Variants in BACH2 observed in about 807,000 individuals in gnomAD.
BACH2 encodes transcription regulator protein BACH2.
In BACH2, 5 loss-of-function variants were observed where a neutral mutation model predicts 61.8. The observed-to-expected ratio is 0.08, with a 90% CI of 0.04 to 0.17. BACH2 has a LOEUF of 0.17. Ranked by LOEUF, BACH2 falls within the 10% of genes least tolerant of loss-of-function variation. BACH2 has a pLI of 1.00. For synonymous variants in BACH2, 446 were observed against 440.1 expected (o/e 1.01, Z -0.17); for missense variants, 824 against 1,091.1 (o/e 0.76, Z 3.45).
intron 8 of BACH2, among the ~76,000 whole-genome samples, chr6:89,933,531 T>C (rs908111903): frequency 6.6e-6 from 1 of 151,686 alleles, no homozygotes. Flanking sequence ...ACTATGGACT[T>C]GGGTGATAAT....
chr6:90,213,915 A>G (rs1023431611), intron 3 of BACH2, among the ~76,000 whole-genome samples: 11 of 152,220 alleles, frequency 7.2e-5, no homozygotes, highest in African/African-American at 2.4e-4. Context: ...TCGCTTGGTC[A>G]GAATATTTTG....
intron 4 of BACH2, among the ~76,000 whole-genome samples, chr6:90,102,292 T>A (rs908920604): frequency 2.0e-5 from 3 of 152,142 alleles, no homozygotes; most frequent in African/African-American, 7.2e-5. Context: ...CCAGGATACA[T>A]GGTGAGACAC....
intron 5 of BACH2, among the ~76,000 whole-genome samples, chr6:90,033,568 T>C (rs1248088384): frequency 6.6e-6 from 1 of 152,158 alleles, no homozygotes; most frequent in Non-Finnish European, 1.5e-5. Context: ...GGTGCATTTA[T>C]ATAGGAACAG....
chr6:90,121,258 T>C (rs1271094274), intron 4 of BACH2, among the ~76,000 whole-genome samples: 1 of 152,222 alleles, frequency 6.6e-6, no homozygotes. Flanking sequence ...TTAGGCTATG[T>C]AGTATCTTTT....
At chr6:89,957,975 A>C (rs1350882624) in intron 6 of BACH2, among the ~76,000 whole-genome samples, 2 of 152,214 alleles carry the variant, frequency 1.3e-5, no homozygotes, top group African/African-American at 2.4e-5. Context: ...AAAGAAAATC[A>C]TTATTTGTCT....
At chr6:90,056,168 C>A (rs1324762485) in intron 5 of BACH2, among the ~76,000 whole-genome samples, 3 of 152,166 alleles carry the variant, frequency 2.0e-5, no homozygotes, top group East Asian at 3.8e-4. Context: ...TTAAAAGACA[C>A]AGACTGGCAA....
intron 4 of BACH2, among the ~76,000 whole-genome samples, chr6:90,135,505 A>G (rs528793143): frequency 1.3e-5 from 2 of 152,236 alleles, no homozygotes; most frequent in East Asian, 3.9e-4. Flanking sequence ...AGGTGGATGG[A>G]TCGCTTGAGA....
At chr6:90,179,582 C>G (rs1768091295) in intron 4 of BACH2, among the ~76,000 whole-genome samples, 1 of 152,090 alleles carries the variant, frequency 6.6e-6, no homozygotes, top group South Asian at 2.1e-4. Flanking sequence ...AACTGAGTAA[C>G]TATAAGAAAC....
chr6:89,984,163 C>T (rs1041334538), intron 6 of BACH2, among the ~76,000 whole-genome samples: 5 of 152,068 alleles, frequency 3.3e-5, no homozygotes, highest in Admixed American at 6.6e-5. Flanking sequence ...TAACAGAAAG[C>T]GGGGTTATTA....
intron 4 of BACH2, among the ~76,000 whole-genome samples, chr6:90,094,372 G>A (rs908130239): frequency 6.6e-6 from 1 of 152,134 alleles, no homozygotes; most frequent in Non-Finnish European, 1.5e-5. Context: ...GGAAACTACA[G>A]GTGAAAATAT....
At chr6:90,182,603 C>T (rs1394249845) in intron 4 of BACH2, among the ~76,000 whole-genome samples, 1 of 152,182 alleles carries the variant, frequency 6.6e-6, no homozygotes, top group Admixed American at 6.5e-5. Context: ...GTGCTTGGCA[C>T]ATTATAGCCT....
At chr6:90,080,747 G>T in intron 5 of BACH2, 1 of 985,030 alleles carries the variant, frequency 1.0e-6, no homozygotes, top group African/African-American at 1.7e-5. Context: ...CCTGAGAAAG[G>T]CATCTTTACC....
chr6:90,175,131 C>T (rs996455791), intron 4 of BACH2, among the ~76,000 whole-genome samples: 1 of 151,946 alleles, frequency 6.6e-6, no homozygotes, highest in African/African-American at 2.4e-5. Flanking sequence ...TGATATACTT[C>T]ATAATCTAAA....
intron 3 of BACH2, among the ~76,000 whole-genome samples, chr6:90,221,449 A>G (rs1420504352): frequency 6.6e-6 from 1 of 152,210 alleles, no homozygotes. Context: ...AGCAGTGTGT[A>G]TAGCAGGATG....
At chr6:90,151,859 G>T (rs1784823881) in intron 4 of BACH2, among the ~76,000 whole-genome samples, 1 of 152,168 alleles carries the variant, frequency 6.6e-6, no homozygotes, top group Non-Finnish European at 1.5e-5. Context: ...TTCAGACAGA[G>T]AATTCAACTA....
chr6:90,012,840 G>C (rs916686831), intron 5 of BACH2, among the ~76,000 whole-genome samples: 1 of 151,872 alleles, frequency 6.6e-6, no homozygotes, highest in Non-Finnish European at 1.5e-5. Context: ...GTCAATTTTT[G>C]TATTTTTAGT....
chr6:90,103,029 A>ATATAT, intron 4 of BACH2, among the ~76,000 whole-genome samples: 56 of 21,158 alleles, frequency 2.6e-3, no homozygotes, highest in African/African-American at 5.1e-3. Context: ...ATATATATAT[A>ATATAT]TTTTTTTTTT....
At chr6:90,187,638 G>T in intron 4 of BACH2, among the ~76,000 whole-genome samples, 1 of 152,188 alleles carries the variant, frequency 6.6e-6, no homozygotes, top group East Asian at 1.9e-4. Context: ...ACTCATAAAA[G>T]CCAGGCTGAC....
intron 4 of BACH2, among the ~76,000 whole-genome samples, chr6:90,117,635 A>G (rs1374158046): frequency 1.3e-5 from 2 of 152,138 alleles, no homozygotes; most frequent in African/African-American, 2.4e-5. Flanking sequence ...ACTGCTACCT[A>G]AGACACAACA....
Sources: gnomAD v4.1 joint callset for allele counts (sites outside exome capture counted in the v4.1 genomes callset) on GRCh38, gnomAD v4.1.1 for gene constraint, MANE v1.5 for transcripts, NCBI Gene and HGNC (gene_info 2026-07-23, HGNC 2026-07-21) for gene names.